AKNA: variants seen among roughly 807,000 people sequenced by gnomAD.
AKNA encodes microtubule organization protein AKNA.
In AKNA, 67 loss-of-function variants were observed where a neutral mutation model predicts 138.8. The ratio of observed to expected loss-of-function variants is 0.48; its 90% CI spans 0.40 to 0.59. The LOEUF is 0.59. Among genes scored for constraint, AKNA ranks in the 20% least tolerant of loss-of-function variants. The pLI, the probability that AKNA is intolerant of heterozygous loss-of-function variation, is 0.00. For synonymous variants in AKNA, 737 were observed against 754.4 expected (o/e 0.98, Z 0.38); for missense variants, 1,813 against 1,880.4 (o/e 0.96, Z 0.66).
intron 20 of AKNA, 26 bp from the exon 21 acceptor site, chr9:114,341,751 A>G (rs761551662): frequency 6.5e-7 from 1 of 1,537,054 alleles, no homozygotes; most frequent in Admixed American, 2.1e-5. Context: ...CAGCACAGAG[A>G]GACAGAGTCT....
rs572774114 is a variant in AKNA at position 114,370,533 on chromosome 9, C to T, written c.1417-1938G>A. On this transcript the variant is annotated intron_variant, in intron 4 of 21. Coordinates refer to ENST00000374088, the MANE Select transcript of AKNA (RefSeq NM_001317950.2). ...GGCAGAGCGATGAGGTGGGGAGTGG[C>T]GGTGGGGGTGGGGGTGGCAGCTGCA... is the stretch of plus-strand genomic sequence containing the variant. Among the ~76,000 whole-genome samples the T allele has an allele frequency of 2.6e-4, 38 of 148,566 alleles. No individual in the cohort carries two copies. In the South Asian group the frequency reaches 7.5e-3, roughly 29 times the overall value.
chr9:114,355,734 C>A (rs904901172), intron 14 of AKNA, among the ~76,000 whole-genome samples, 191 bp downstream of exon 14: 1 of 152,210 alleles, frequency 6.6e-6, no homozygotes, highest in African/African-American at 2.4e-5. Context: ...AGGTTCTACA[C>A]CAAAACGTCA....
chr9:114,362,390 C>T lies in AKNA; in HGVS notation c.1916+16G>A. 6.2e-7 allele frequency: 1 copy of T among 1,605,494 alleles called. No individual in the cohort carries two copies. Among genetic ancestry groups the T allele is most frequent in the Non-Finnish European group, 8.5e-7 (1 of 1,175,602 alleles). On this transcript the variant is annotated intron_variant, in intron 8 of 21. Coordinates refer to ENST00000374088, the MANE Select transcript of AKNA (RefSeq NM_001317950.2). The stretch of plus-strand genomic sequence containing the variant: ...CATCCCATCTGTCCTTCCAGGCCTT[C>T]CACCCCAGCAGGTACCTGCGAGGAT...
chr9:114,342,768 G>A (rs1196593096), intron 19 of AKNA, among the ~76,000 whole-genome samples: 1 of 16,166 alleles, frequency 6.2e-5, no homozygotes, highest in Non-Finnish European at 1.2e-4. Context: ...GCACCCCCCA[G>A]CCCCACTCGT....
In AKNA at chr9:114,345,932, G is replaced by A. The variant is rs771425708; in HGVS notation, c.3592C>T (p.Arg1198Trp). 18 of 1,614,060 alleles carry A rather than the reference G, an allele frequency of 1.1e-5. No homozygotes were observed. The highest frequency in any genetic ancestry group is 4.5e-5 in the East Asian group (2 of 44,868). The change falls in exon 18 of 22, where the codon CGG becomes TGG. Residue 1198 changes from arginine to tryptophan, a missense_variant. By Grantham distance (101) the Arg-to-Trp change is moderately radical. Transcript: ENST00000374088. ...KTTKDSPQAA[R>W]DGKRGVGSAG... ...CTGCCCACCCCTCTCTTTCCATCCCGAGCTGCCTGTGGACTGTCCTTGGTG... is the reference window on the plus strand; with the variant it reads ...CTGCCCACCCCTCTCTTTCCATCCCAAGCTGCCTGTGGACTGTCCTTGGTG...
chr9:114,387,706 G>A (rs543806427), intron 1 of AKNA, among the ~76,000 whole-genome samples, 154 bp downstream of exon 1: 1 of 152,288 alleles, frequency 6.6e-6, no homozygotes, highest in East Asian at 1.9e-4. Flanking sequence ...TGGAGGCCGG[G>A]ATCCCCTAAG....
At chr9:114,388,033 G>A (rs965500397), upstream of AKNA, 10 of 269,936 alleles carry the variant, frequency 3.7e-5, no homozygotes, top group Non-Finnish European at 6.6e-5. Context: ...ACCTCTCCCC[G>A]CCCCTGCCGT....
At chr9:114,368,358 C>G in intron 5 of AKNA, 81 bp downstream of exon 5, 2 of 1,295,482 alleles carry the variant, frequency 1.5e-6, no homozygotes, top group Non-Finnish European at 2.0e-6. Context: ...AGCGCCATCC[C>G]CAGGGTGAAC....
chr9:114,343,886 C>G, intron 18 of AKNA, 83 bp from the exon 19 acceptor site: 1 of 1,257,676 alleles, frequency 8.0e-7, no homozygotes, highest in Non-Finnish European at 1.1e-6. Flanking sequence ...ATGATCTCCT[C>G]TTCCTCCAAA....
At position 114,348,736 on chromosome 9, in the gene AKNA, T is replaced by A. The variant is rs547893533; in HGVS notation, c.3222-836A>T. 31 of 403,892 alleles carry A rather than the reference T, an allele frequency of 7.7e-5. 2 individuals are homozygous for A. The East Asian group carries it at 2.2e-3, about 28-fold the overall frequency. The allele number at this position is 403,892 out of a possible 1,614,324, so 25.0% of individuals were successfully genotyped here. A position where few individuals can be genotyped will look rare whatever the true frequency, so the allele number is the denominator to read the frequency against. On this transcript the variant is annotated intron_variant, in intron 15 of 21. Transcript: ENST00000374088. ...GCATTGCTGACACCGCAGCAGACAA[T>A]CCTACCCAGATACCCCTCCCCACAA... is the stretch of plus-strand genomic sequence containing the variant.
At position 114,336,919 on chromosome 9, in the gene AKNA, G is replaced by A; in HGVS notation, c.*135C>T. 3 of 1,165,510 alleles carry A rather than the reference G, an allele frequency of 2.6e-6. No individual in the cohort carries two copies. The highest frequency in any genetic ancestry group is 3.4e-6 in the Non-Finnish European group (3 of 874,338). The allele number at this position is 1,165,510 out of a possible 1,614,324, so 72.2% of individuals were successfully genotyped here. ...GAAAGCACAGGGACTGAGCAGGCGGGACCTGTGCTGGAGGGAGACCCTCCT... is the reference window on the plus strand; with the variant it reads ...GAAAGCACAGGGACTGAGCAGGCGGAACCTGTGCTGGAGGGAGACCCTCCT... On this transcript the variant is annotated 3_prime_UTR_variant, in exon 22 of 22. Transcript: ENST00000374088.
upstream of AKNA, among the ~76,000 whole-genome samples, chr9:114,389,879 C>A (rs1460283594): frequency 1.3e-5 from 2 of 152,146 alleles, no homozygotes; most frequent in Non-Finnish European, 2.9e-5. Flanking sequence ...TAATCGCCCA[C>A]CCCTCTATCC....
chr9:114,346,138 G>C, intron 17 of AKNA, 129 bp from the exon 18 acceptor site: 1 of 925,622 alleles, frequency 1.1e-6, no homozygotes, highest in Non-Finnish European at 1.6e-6. Flanking sequence ...TCCCCCTTAG[G>C]AGTAACAGCT....
chr9:114,336,201 A>G lies in AKNA; in HGVS notation c.*853T>C, dbSNP rs1455936160. On this transcript the variant is annotated 3_prime_UTR_variant, in exon 22 of 22. Transcript: ENST00000374088. ...TCATTCTTCATTTGCCCTCGTAACG[A>G]AAATAGATTTTTAAATGCCTCAAAT... 1 of 152,766 alleles carries G rather than the reference A, an allele frequency of 6.5e-6. No homozygotes were observed. Among genetic ancestry groups the G allele is most frequent in the East Asian group, 1.9e-4 (1 of 5,192 alleles). 9.5% of individuals were successfully genotyped at this position (152,766 alleles called of 1,614,324 possible). A position where few individuals can be genotyped will look rare whatever the true frequency, so the allele number is the denominator to read the frequency against.
At chr9:114,395,620 G>T (rs1414000696), upstream of AKNA, among the ~76,000 whole-genome samples, 1 of 151,374 alleles carries the variant, frequency 6.6e-6, no homozygotes, top group African/African-American at 2.4e-5. Context: ...GCAGTGGGGC[G>T]CAGGCCTTCT....
downstream of AKNA, chr9:114,330,789 T>G: frequency 1.2e-6 from 2 of 1,613,740 alleles, no homozygotes; most frequent in Non-Finnish European, 1.7e-6. Flanking sequence ...TGGTTGACTT[T>G]AGCCAGAACC....
chr9:114,358,911 A>T (rs986313288), intron 11 of AKNA, among the ~76,000 whole-genome samples: 7 of 152,118 alleles, frequency 4.6e-5, no homozygotes, highest in Non-Finnish European at 8.8e-5. Flanking sequence ...CCAACATGGC[A>T]CATGTATACA....
rs762692701 is a variant in AKNA, at chr9:114,350,895, G to C, written c.3185C>G (p.Thr1062Ser). 3 of 1,596,646 alleles carry C rather than the reference G, an allele frequency of 1.9e-6. No individual in the cohort carries two copies. The highest frequency in any genetic ancestry group is 2.6e-6 in the Non-Finnish European group (3 of 1,171,748). ...CCTGGTGAGCAGGAAGCTGGGGATG[G>C]TCTCTGTTGGTCCACAGGGTAGAGG... is the stretch of plus-strand genomic sequence containing the variant. ...AAPLPCGPTE[T>S]IPSFLLTRAG... Residue 1062 changes from threonine (T) to serine (S), a missense_variant, in exon 15 of 22, where the codon ACC (threonine) becomes AGC (serine). Thr to Ser is a moderately conservative substitution (Grantham distance 58). Coordinates refer to ENST00000374088, the MANE Select transcript of AKNA (RefSeq NM_001317950.2).
intron 21 of AKNA, 93 bp downstream of exon 21, chr9:114,341,440 T>A (rs1028374768): frequency 1.4e-6 from 2 of 1,458,320 alleles, no homozygotes; most frequent in African/African-American, 2.8e-5. Flanking sequence ...AGGAGGAGTA[T>A]ACTGCATCTC....
Sources: allele counts gnomAD v4.1 joint callset (sites outside exome capture counted in the v4.1 genomes callset), GRCh38; gene constraint gnomAD v4.1.1; transcripts MANE v1.5; gene names NCBI Gene and HGNC (gene_info 2026-07-23, HGNC 2026-07-21).